DPP6: variants seen among roughly 807,000 people sequenced by gnomAD.
The protein encoded by DPP6 is dipeptidyl peptidase like 6.
A neutral mutation model predicts 122.6 loss-of-function variants in DPP6; 69 were observed. The ratio of observed to expected loss-of-function variants is 0.56; its 90% CI spans 0.46 to 0.69. The LOEUF (loss-of-function observed/expected upper bound fraction) is 0.69, where lower values mean the gene tolerates loss of function less well. Among genes scored for constraint, DPP6 ranks in the 30% least tolerant of loss-of-function variants. The pLI is 0.00. For missense variants in DPP6, 928 were observed against 1,116.9 expected (o/e 0.83, Z 2.41); for synonymous variants, 418 against 433.1 (o/e 0.97, Z 0.43).
chr7:154,327,204 TGGCAGGATAAAATAGA>T (rs1808520771), intron 1 of DPP6, among the ~76,000 whole-genome samples: 1 of 152,032 alleles, frequency 6.6e-6, no homozygotes, highest in Non-Finnish European at 1.5e-5. Flanking sequence ...GAATGATGGG[TGGCAGGATAAAATAGA>T]AGAATCATTA....
upstream of DPP6, among the ~76,000 whole-genome samples, chr7:154,047,787 G>A (rs550839702): frequency 1.3e-5 from 2 of 152,118 alleles, no homozygotes; most frequent in African/African-American, 4.8e-5. Context: ...CCAGAGAAGG[G>A]ACATGCATGA....
chr7:154,555,425 T>G (rs558987233), intron 4 of DPP6, among the ~76,000 whole-genome samples: 8 of 151,716 alleles, frequency 5.3e-5, no homozygotes, highest in African/African-American at 1.7e-4. Context: ...ATGAGAACAC[T>G]TGGACACAGG....
At chr7:154,087,149 C>T (rs898772786) in intron 1 of DPP6, among the ~76,000 whole-genome samples, 1 of 151,448 alleles carries the variant, frequency 6.6e-6, no homozygotes, top group African/African-American at 2.4e-5. Flanking sequence ...ATTGTTCATG[C>T]AAAGGAACAG....
chr7:154,644,082 A>C (rs1836290345), intron 6 of DPP6, among the ~76,000 whole-genome samples: 1 of 152,144 alleles, frequency 6.6e-6, no homozygotes, highest in Non-Finnish European at 1.5e-5. Flanking sequence ...CAGACAACTG[A>C]AATACTCAGT....
chr7:154,134,686 A>G lies in DPP6; in HGVS notation c.243+81623A>G, dbSNP rs570098430. On this transcript the variant is annotated intron_variant, in intron 1 of 25. Transcript: ENST00000377770. ...GTGAGCATACACTTCCTGTAAGTGTATACTTCCTTTGAGCGTACACTTCCT... is the reference window on the plus strand; with the variant it reads ...GTGAGCATACACTTCCTGTAAGTGTGTACTTCCTTTGAGCGTACACTTCCT... 5.9e-5 allele frequency among the ~76,000 whole-genome samples: 9 copies of G among 152,262 alleles called. No individual in the cohort carries two copies. The South Asian group carries it at 6.2e-4, about 11-fold the overall frequency.
chr7:154,749,252 TGAGAGAGG>T, intron 8 of DPP6, among the ~76,000 whole-genome samples: 1 of 117,032 alleles, frequency 8.5e-6, no homozygotes, highest in African/African-American at 3.3e-5. Flanking sequence ...GAGGCTTTAC[TGAGAGAGG>T]GTGAGGGAGC....
chr7:154,646,042 A>AAAAAAAAAAAAG (rs1252437695), intron 6 of DPP6, among the ~76,000 whole-genome samples: 19 of 150,540 alleles, frequency 1.3e-4, no homozygotes, highest in African/African-American at 4.1e-4. Context: ...AAAAAAAAAA[A>AAAAAAAAAAAAG]AAAGAAAATA....
At chr7:154,881,754 C>T (rs1015288119) in intron 21 of DPP6, among the ~76,000 whole-genome samples, 3 of 152,226 alleles carry the variant, frequency 2.0e-5, no homozygotes, top group East Asian at 1.9e-4. Context: ...GGGCTGCTCC[C>T]GGAAGCAGGG....
chr7:154,524,831 T>TTATTGATGTGTCCTTATCAGTCACTTG, intron 3 of DPP6, among the ~76,000 whole-genome samples: 1 of 152,196 alleles, frequency 6.6e-6, no homozygotes, highest in Non-Finnish European at 1.5e-5. Flanking sequence ...TACCATGGTC[T>TTATTGATGTGTCCTTATCAGTCACTTG]TATTGATGTG....
the DPP6 span, among the ~76,000 whole-genome samples, chr7:153,822,778 A>G: frequency 6.6e-6 from 1 of 152,226 alleles, no homozygotes; most frequent in Non-Finnish European, 1.5e-5. Flanking sequence ...TACATTTGTA[A>G]GATCCCAGCC....
intron 1 of DPP6, among the ~76,000 whole-genome samples, chr7:154,156,295 G>A (rs1482138178): frequency 6.6e-6 from 1 of 152,274 alleles, no homozygotes; most frequent in Non-Finnish European, 1.5e-5. Flanking sequence ...GTGCTGGCCT[G>A]TTCATTTTGG....
At chr7:154,477,676 A>T (rs1563732730) in intron 3 of DPP6, among the ~76,000 whole-genome samples, 1 of 152,356 alleles carries the variant, frequency 6.6e-6, no homozygotes, top group East Asian at 1.9e-4. Context: ...CTTTCTGGCC[A>T]GAGGAGACCA....
At chr7:154,385,003 C>T (rs1224361627) in intron 1 of DPP6, among the ~76,000 whole-genome samples, 1 of 152,094 alleles carries the variant, frequency 6.6e-6, no homozygotes, top group Non-Finnish European at 1.5e-5. Flanking sequence ...GAGAGGGAGT[C>T]TCGCTCTGTC....
intron 1 of DPP6, among the ~76,000 whole-genome samples, chr7:153,999,950 A>G (rs2861474): frequency 4.0e-5 from 6 of 151,430 alleles, no homozygotes; most frequent in Non-Finnish European, 7.4e-5. Context: ...ACAAAGTGAG[A>G]CCCCCATCTC....
intron 7 of DPP6, among the ~76,000 whole-genome samples, chr7:154,719,101 G>C (rs775984470): frequency 5.9e-5 from 9 of 151,978 alleles, no homozygotes; most frequent in Non-Finnish European, 1.3e-4. Flanking sequence ...TTGTGAATCA[G>C]AGAGTGGTAG....
chr7:154,267,582 T>C (rs555143844), intron 1 of DPP6, among the ~76,000 whole-genome samples: 1 of 148,852 alleles, frequency 6.7e-6, no homozygotes, highest in African/African-American at 2.5e-5. Context: ...CACACATATG[T>C]GCACATACAT....
At chr7:153,841,993 C>T in the DPP6 span, among the ~76,000 whole-genome samples, 5 of 152,254 alleles carry the variant, frequency 3.3e-5, no homozygotes, top group Non-Finnish European at 5.9e-5. Context: ...TTTCTCTTGA[C>T]GTTTCATTGA....
intron 1 of DPP6, among the ~76,000 whole-genome samples, chr7:153,912,465 C>A (rs1173051870): frequency 3.3e-5 from 5 of 152,152 alleles, no homozygotes; most frequent in Admixed American, 6.5e-5. Context: ...GATCCAAATT[C>A]TCTTTCCTAT....
At chr7:154,029,763 G>A (rs2861459) in intron 1 of DPP6, among the ~76,000 whole-genome samples, 23,703 of 150,058 alleles carry the variant, frequency 0.16, 2,017 homozygotes, top group East Asian at 0.25. Flanking sequence ...GGAGAATGGC[G>A]TGAACCCGGG....
Sources: allele counts gnomAD v4.1 joint callset (sites outside exome capture counted in the v4.1 genomes callset), GRCh38; gene constraint gnomAD v4.1.1; transcripts MANE v1.5; gene names NCBI Gene and HGNC (gene_info 2026-07-23, HGNC 2026-07-21).